The following MS4A13 variants were observed in gnomAD, a reference collection of about 807,000 sequenced individuals.
MS4A13 encodes membrane-spanning 4-domains subfamily A member 13.
A neutral mutation model predicts 18.4 loss-of-function variants in MS4A13; 21 were observed. That is an observed-to-expected ratio of 1.14 (90% CI 0.81 to 1.64). MS4A13 has a LOEUF of 1.64. MS4A13 is among the 40% of genes most tolerant of loss of function. The pLI, the probability that MS4A13 is intolerant of heterozygous loss-of-function variation, is 0.00. For synonymous variants in MS4A13, 62 were observed against 57.2 expected, an observed-to-expected ratio of 1.08 and a Z score of -0.38; for missense variants, 173 against 176.8, an observed-to-expected ratio of 0.98 and a Z score of 0.12.
chr11:60,532,312 C>T (rs953376894), intron 6 of MS4A13, among the ~76,000 whole-genome samples: 2 of 152,208 alleles, frequency 1.3e-5, no homozygotes, highest in Non-Finnish European at 2.9e-5. Context: ...CCAGTGTGTG[C>T]ACGCACCGTG....
chr11:60,539,579 A>G (rs2086839840), intron 6 of MS4A13, among the ~76,000 whole-genome samples: 1 of 152,152 alleles, frequency 6.6e-6, no homozygotes, highest in Non-Finnish European at 1.5e-5. Flanking sequence ...AAATTCCCCT[A>G]ATTTCATGGA....
intron 6 of MS4A13, among the ~76,000 whole-genome samples, chr11:60,538,264 T>C (rs1311447592): frequency 6.7e-6 from 1 of 149,014 alleles, no homozygotes; most frequent in Non-Finnish European, 1.5e-5. Context: ...TGGGGGCCGA[T>C]GGGGCATAGA....
At chr11:60,527,402 C>CTGTGTGTGTGTGTGTG (rs1565212713) in intron 5 of MS4A13, among the ~76,000 whole-genome samples, 5 of 81,636 alleles carry the variant, frequency 6.1e-5, no homozygotes, top group East Asian at 4.7e-4. Flanking sequence ...CTCTCTCTCT[C>CTGTGTGTGTGTGTGTG]TCTCTCTCTG....
At chr11:60,532,094 C>T (rs568616240) in intron 6 of MS4A13, among the ~76,000 whole-genome samples, 4 of 152,334 alleles carry the variant, frequency 2.6e-5, no homozygotes, top group Non-Finnish European at 5.9e-5. Context: ...GACATAGCGT[C>T]TTTGAGCAAG....
intron 6 of MS4A13, among the ~76,000 whole-genome samples, chr11:60,532,038 T>A (rs76225940): frequency 0.014 from 2,127 of 152,274 alleles, 26 homozygotes; most frequent in African/African-American, 0.025. Context: ...ACAAAAAGTA[T>A]GCAAATAATA....
At chr11:60,515,877 G>A (rs990708837) in intron 1 of MS4A13, 92 bp from the exon 2 acceptor site, 1 of 152,188 alleles carries the variant, frequency 6.6e-6, no homozygotes, top group South Asian at 2.1e-4. Context: ...TTCTGAATTT[G>A]GAGAGGTGGT....
intron 6 of MS4A13, among the ~76,000 whole-genome samples, chr11:60,536,898 C>A (rs1394243307): frequency 9.4e-5 from 11 of 116,806 alleles, no homozygotes; most frequent in South Asian, 7.4e-4. Context: ...TGATCTTTGA[C>A]AAACCTGACA....
intron 2 of MS4A13, among the ~76,000 whole-genome samples, chr11:60,517,835 C>T (rs1590869287): frequency 6.6e-6 from 1 of 152,230 alleles, no homozygotes; most frequent in East Asian, 1.9e-4. Flanking sequence ...TTGGCCAGAG[C>T]TACTATTATT....
At chr11:60,518,278 G>A (rs2086651416) in intron 3 of MS4A13, 66 bp downstream of exon 3, 1 of 1,327,548 alleles carries the variant, frequency 7.5e-7, no homozygotes, top group Non-Finnish European at 1.0e-6. Context: ...ATAGTAGAAG[G>A]TAGGGAACGG....
At position 60,542,587 on chromosome 11, in the gene MS4A13, A is replaced by G; in HGVS notation, c.*12A>G. On this transcript the variant is annotated 3_prime_UTR_variant, in exon 7 of 7. Coordinates refer to ENST00000378186, the MANE Select transcript of MS4A13 (RefSeq NM_001012417.3). ...AGAGCACTCCTTAAAAACCCTAGAAATATGAGAATTTTGCTGTTGCTGATG... is the reference window on the plus strand; with the variant it reads ...AGAGCACTCCTTAAAAACCCTAGAAGTATGAGAATTTTGCTGTTGCTGATG... 6.3e-7 allele frequency: 1 copy of G among 1,594,864 alleles called. No homozygotes were observed. The highest frequency in any genetic ancestry group is 8.6e-7 in the Non-Finnish European group (1 of 1,166,024).
At chr11:60,518,011 C>A in intron 2 of MS4A13, 61 bp from the exon 3 acceptor site, 2 of 1,311,660 alleles carry the variant, frequency 1.5e-6, no homozygotes. Context: ...ATAGTTAACA[C>A]TTATTGGAAT....
At position 60,542,686 on chromosome 11, in the gene MS4A13, A is replaced by C. The variant is rs74975500; in HGVS notation, c.*111A>C. 4,269 of 593,212 alleles carry C rather than the reference A, an allele frequency of 7.2e-3. 81 individuals are homozygous for C. The highest frequency in any genetic ancestry group is 0.054 in the African/African-American group (2,877 of 53,546). The allele number at this position is 593,212 out of a possible 1,614,324, so 36.7% of individuals were successfully genotyped here. On this transcript the variant is annotated 3_prime_UTR_variant, in exon 7 of 7. Coordinates refer to ENST00000378186, the MANE Select transcript of MS4A13 (RefSeq NM_001012417.3). Reference sequence around the variant, plus strand: ...GCCTACAGATTTTGTGCAAAATAAAATACAAACAAGGTGAATTTTTCTCCT... The same window carrying C: ...GCCTACAGATTTTGTGCAAAATAAACTACAAACAAGGTGAATTTTTCTCCT...
At position 60,516,085 on chromosome 11, in the gene MS4A13, G is replaced by A. The variant is rs2086635360; in HGVS notation, c.-13+1G>A. ...TACAGCAGATTCTCTCGTTTTAGGG[G>A]TAAGATTTCACTTTGACTAACTAAA... On this transcript the variant is annotated splice_donor_variant, in intron 2 of 6. Transcript: ENST00000378186. LOFTEE classifies it low-confidence loss of function (5UTR_SPLICE). 1 of 152,128 alleles carries A rather than the reference G, an allele frequency of 6.6e-6. No individual in the cohort carries two copies. Among genetic ancestry groups the A allele is most frequent in the Non-Finnish European group, 1.5e-5 (1 of 68,010 alleles). The allele number at this position is 152,128 out of a possible 1,614,324, so 9.4% of individuals were successfully genotyped here.
At chr11:60,538,189 A>C (rs1239052257) in intron 6 of MS4A13, among the ~76,000 whole-genome samples, 2 of 151,054 alleles carry the variant, frequency 1.3e-5, no homozygotes, top group South Asian at 2.1e-4. Flanking sequence ...AAAAAAAAAA[A>C]AACGAAAAAA....
chr11:60,527,402 C>CTGTGTGTGTGTG (rs1565212713), intron 5 of MS4A13, among the ~76,000 whole-genome samples: 99 of 81,466 alleles, frequency 1.2e-3, no homozygotes, highest in African/African-American at 1.9e-3. Context: ...CTCTCTCTCT[C>CTGTGTGTGTGTG]TCTCTCTCTG....
At chr11:60,527,850 T>TA (rs1206271574) in intron 5 of MS4A13, among the ~76,000 whole-genome samples, 2 of 151,928 alleles carry the variant, frequency 1.3e-5, no homozygotes, top group Non-Finnish European at 2.9e-5. Context: ...TAAATTAAAT[T>TA]AAAAAATTAA....
intron 3 of MS4A13, among the ~76,000 whole-genome samples, chr11:60,521,643 C>T (rs1199735791): frequency 1.3e-5 from 2 of 152,186 alleles, no homozygotes; most frequent in African/African-American, 4.8e-5. Flanking sequence ...TCATTATTGG[C>T]ATTTTGGTCA....
intron 6 of MS4A13, among the ~76,000 whole-genome samples, chr11:60,540,147 T>A (rs1251487698): frequency 6.6e-6 from 1 of 152,248 alleles, no homozygotes; most frequent in Admixed American, 6.5e-5. Flanking sequence ...ATGATTACCT[T>A]AATTTAAGGT....
At position 60,518,101 on chromosome 11, in the gene MS4A13, C is replaced by G; in HGVS notation, c.18C>G (p.His6Gln). The G allele has an allele frequency of 1.2e-6, 2 of 1,602,318 alleles. No homozygotes were observed. The highest frequency in any genetic ancestry group is 1.7e-6 in the Non-Finnish European group (2 of 1,171,250). ...TCCAGATTATGATTGGCATCTTTCA[C>G]ATTTTCATGTGGTACTTTCTATTGG... MIGIF[H>Q]IFMWYFLLVL... Residue 6 changes from histidine (H) to glutamine (Q), a missense_variant, in exon 3 of 7, where the codon CAC becomes CAG. Coordinates refer to ENST00000378186, the MANE Select transcript of MS4A13 (RefSeq NM_001012417.3).
Sources: gnomAD v4.1 joint callset for allele counts (sites outside exome capture counted in the v4.1 genomes callset) on GRCh38, gnomAD v4.1.1 for gene constraint, MANE v1.5 for transcripts, NCBI Gene and HGNC (gene_info 2026-07-23, HGNC 2026-07-21) for gene names.